Variants in POLR2F observed in about 807,000 individuals in gnomAD.
POLR2F encodes RNA polymerase II, I and III subunit F, also known as DNA-directed RNA polymerases I, II, and III subunit RPABC2.
In POLR2F, 12 loss-of-function variants were observed where a neutral mutation model predicts 22.7. The ratio of observed to expected loss-of-function variants is 0.53; its 90% confidence interval spans 0.34 to 0.86. The LOEUF is 0.86. Ranked by LOEUF, POLR2F falls within the 40% of genes least tolerant of loss-of-function variation. The pLI is 0.02. For synonymous variants in POLR2F, 57 were observed against 66.0 expected, an observed-to-expected ratio of 0.86 and a Z score of 0.66; for missense variants, 126 against 171.5, an observed-to-expected ratio of 0.73 and a Z score of 1.48.
At chr22:38,019,746 C>T (rs1601911171) in intron 1 of POLR2F, among the ~76,000 whole-genome samples, 1 of 152,226 alleles carries the variant, frequency 6.6e-6, no homozygotes, top group African/African-American at 2.4e-5. Context: ...GGCATGGTGG[C>T]TTACGCCTGT....
intron 5 of POLR2F, among the ~76,000 whole-genome samples, chr22:38,037,437 C>CTTT (rs1445599668): frequency 1.0e-5 from 1 of 96,152 alleles, no homozygotes; most frequent in African/African-American, 5.7e-5. Flanking sequence ...CCATGCTCGG[C>CTTT]TATTTTTTTT....
chr22:38,014,642 G>A (rs1373562603), intron 1 of POLR2F, among the ~76,000 whole-genome samples: 1 of 151,414 alleles, frequency 6.6e-6, no homozygotes, highest in African/African-American at 2.4e-5. Flanking sequence ...ACAGGACCAT[G>A]CCCAGCTAAT....
At chr22:37,962,552 C>T (rs893120802) in intron 3 of POLR2F, among the ~76,000 whole-genome samples, 3 of 152,324 alleles carry the variant, frequency 2.0e-5, no homozygotes, top group Non-Finnish European at 4.4e-5. Flanking sequence ...ATGCCACCAA[C>T]GTCAGGATCC....
chr22:37,977,274 G>A (rs1932248609), intron 4 of POLR2F, among the ~76,000 whole-genome samples: 3 of 149,612 alleles, frequency 2.0e-5, no homozygotes, highest in South Asian at 4.2e-4. Context: ...CCCTTTACTT[G>A]TAACTGCCCC....
chr22:37,956,025 A>C (rs1157023960), intron 1 of POLR2F, among the ~76,000 whole-genome samples: 1 of 151,412 alleles, frequency 6.6e-6, no homozygotes, highest in Non-Finnish European at 1.5e-5. Flanking sequence ...TGCTTCCTAC[A>C]TACTGGGCGA....
chr22:37,973,204 T>G (rs1017099036), downstream of POLR2F: 1 of 384,044 alleles, frequency 2.6e-6, no homozygotes, highest in Non-Finnish European at 4.7e-6. Context: ...GGTCCTGGGA[T>G]AGAGGGTCAT....
chr22:37,973,917 C>G, downstream of POLR2F: 1 of 1,610,156 alleles, frequency 6.2e-7, no homozygotes. Flanking sequence ...TGTCCACTGG[C>G]CACGGCCAGG....
At chr22:37,995,342 TGTCTC>T (rs1473581588) in intron 1 of POLR2F, among the ~76,000 whole-genome samples, 1 of 152,232 alleles carries the variant, frequency 6.6e-6, no homozygotes, top group Non-Finnish European at 1.5e-5. Flanking sequence ...TTGGCAGGTC[TGTCTC>T]CTGGGTCTGT....
intron 3 of POLR2F, among the ~76,000 whole-genome samples, chr22:37,966,432 G>A (rs1931854662): frequency 6.6e-6 from 1 of 151,814 alleles, no homozygotes; most frequent in African/African-American, 2.4e-5. Flanking sequence ...GGTGGGGAGG[G>A]CTGGGCAGGA....
intron 1 of POLR2F, among the ~76,000 whole-genome samples, chr22:38,012,215 C>T (rs902256182): frequency 3.3e-5 from 5 of 151,646 alleles, no homozygotes; most frequent in South Asian, 2.1e-4. Context: ...CCCAGTAGCT[C>T]GTATTACAGA....
At chr22:37,983,780 G>A (rs1186044024), upstream of POLR2F, 1 of 1,448,518 alleles carries the variant, frequency 6.9e-7, no homozygotes, top group Admixed American at 2.4e-5. The surrounding 1 kb of genome is among the most constrained non-coding windows in gnomAD (Gnocchi z 9.5). Context: ...CTGCTCCTCC[G>A]CCATGTCGCC....
At position 37,998,090 on chromosome 22, in the gene POLR2F, G is replaced by A. The variant is rs1236637733; in HGVS notation, c.120+11778G>A. 5.9e-5 allele frequency among the ~76,000 whole-genome samples: 9 copies of A among 152,124 alleles called. 1 individual carries two copies. The South Asian group carries it at 1.0e-3, about 18-fold the overall frequency. ...TGGAGGGGTATGTTCTTCCCCTCCC[G>A]GGGCCTCAGTTTCTCCTCACAAGCT... On this transcript the variant is annotated intron_variant, in intron 1 of 2. Coordinates refer to the POLR2F transcript ENST00000333418.
chr22:38,022,388 C>T (rs2084967354), intron 1 of POLR2F, among the ~76,000 whole-genome samples: 1 of 151,388 alleles, frequency 6.6e-6, no homozygotes, highest in African/African-American at 2.4e-5. Context: ...CCTGTCTCTA[C>T]TAAAAATACA....
chr22:38,004,481 G>A lies in POLR2F; in HGVS notation c.120+18169G>A, dbSNP rs1471131941. Among the ~76,000 whole-genome samples, 4 of 152,170 alleles carry A rather than the reference G, an allele frequency of 2.6e-5. No homozygotes were observed. In the East Asian group the frequency reaches 7.7e-4, roughly 29 times the overall value. On this transcript the variant is annotated intron_variant, in intron 1 of 2. Coordinates refer to the POLR2F transcript ENST00000333418. ...CAGGTGCTTTCTACCTATAAGACAT[G>A]CATATCTACTCGCTGAGTTCTCATG...
chr22:37,979,468 T>G (rs556034842), intron 4 of POLR2F, among the ~76,000 whole-genome samples: 3 of 151,932 alleles, frequency 2.0e-5, no homozygotes, highest in Non-Finnish European at 4.4e-5. Context: ...GACTCTTAAC[T>G]CTGGGTCCTG....
rs1392993544 is a variant in POLR2F, at chr22:38,017,294, G to A, written c.121-8575G>A. On this transcript the variant is annotated intron_variant, in intron 1 of 2. Coordinates refer to the POLR2F transcript ENST00000333418. The surrounding 1 kb of genome is among the most constrained non-coding windows in gnomAD (Gnocchi z 4.1). ...TGCGTCTGAGCCTCGGGTGGAATAGGGGGCTCACACTAGGACAGAAAACCC... is the reference window on the plus strand; with the variant it reads ...TGCGTCTGAGCCTCGGGTGGAATAGAGGGCTCACACTAGGACAGAAAACCC... Among the ~76,000 whole-genome samples, 1 of 152,152 alleles carries A rather than the reference G, an allele frequency of 6.6e-6. No individual in the cohort carries two copies. The highest frequency in any genetic ancestry group is 2.4e-5 in the African/African-American group (1 of 41,436).
At chr22:37,985,282 A>C (rs73415879), upstream of POLR2F, 5,287 of 152,074 alleles carry the variant, frequency 0.035, 300 homozygotes, top group African/African-American at 0.12. Flanking sequence ...GTTGCTACCT[A>C]CTGGGACCCA....
At chr22:38,028,332 A>C (rs926186928), downstream of POLR2F, among the ~76,000 whole-genome samples, 37 of 152,110 alleles carry the variant, frequency 2.4e-4, no homozygotes, top group African/African-American at 8.0e-4. Context: ...AAGACTGATA[A>C]GGGATTGGGA....
chr22:37,965,451 T>A (rs1228879067), intron 3 of POLR2F, among the ~76,000 whole-genome samples: 1 of 152,232 alleles, frequency 6.6e-6, no homozygotes, highest in Non-Finnish European at 1.5e-5. Context: ...GCAAGAAAAA[T>A]TAAATTACTT....
Sources: gnomAD v4.1 joint callset for allele counts (sites outside exome capture counted in the v4.1 genomes callset) on GRCh38, gnomAD v4.1.1 for gene constraint, Gnocchi (gnomAD v3.1) non-coding constraint, MANE v1.5 for transcripts, NCBI Gene and HGNC (gene_info 2026-07-23, HGNC 2026-07-21) for gene names.